Variants in PDIA5 observed in about 807,000 individuals in gnomAD.
PDIA5 encodes protein disulfide isomerase family A member 5, also known as protein disulfide-isomerase A5.
In PDIA5, 58 loss-of-function variants were observed where a neutral mutation model predicts 77.6. That is an observed-to-expected ratio of 0.75 (90% CI 0.61 to 0.93). The LOEUF is 0.93. Ranked by LOEUF, PDIA5 falls within the 40% of genes least tolerant of loss-of-function variation. The pLI, the probability that PDIA5 is intolerant of heterozygous loss-of-function variation, is 0.00. For missense variants in PDIA5, 630 were observed against 647.7 expected (o/e 0.97, Z 0.30); for synonymous variants, 250 against 252.1 (o/e 0.99, Z 0.08).
At chr3:123,114,886 G>A (rs1007203070) in intron 7 of PDIA5, among the ~76,000 whole-genome samples, 14 of 152,310 alleles carry the variant, frequency 9.2e-5, no homozygotes, top group African/African-American at 3.4e-4. Flanking sequence ...GCGTACTGGG[G>A]TGTGTGTGAG....
At chr3:123,137,560 C>G (rs750157054) in intron 11 of PDIA5, among the ~76,000 whole-genome samples, 2 of 152,200 alleles carry the variant, frequency 1.3e-5, no homozygotes, top group Non-Finnish European at 2.9e-5. Context: ...ATCACACTTA[C>G]TATGGATCAG....
intron 8 of PDIA5, among the ~76,000 whole-genome samples, chr3:123,117,834 T>C (rs1003637925): frequency 2.0e-5 from 3 of 152,170 alleles, no homozygotes; most frequent in African/African-American, 7.2e-5. Context: ...GGATATCTGT[T>C]TATCCATTTT....
Position 123,067,484 on chromosome 3 carries a change from T to C in PDIA5, c.42+278T>C, listed in dbSNP as rs1365147829. The C allele has an allele frequency of 5.3e-6, 2 of 374,410 alleles. 1 individual carries two copies. The highest frequency in any genetic ancestry group is 9.5e-6 in the Non-Finnish European group (2 of 211,136). The allele number at this position is 374,410 out of a possible 1,614,324, so 23.2% of individuals were successfully genotyped here. A position where few individuals can be genotyped will look rare whatever the true frequency, so the allele number is the denominator to read the frequency against. On this transcript the variant is annotated intron_variant, in intron 1 of 16. Coordinates refer to ENST00000316218, the MANE Select transcript of PDIA5 (RefSeq NM_006810.4). Reference sequence around the variant, plus strand: ...GGTGCTTACGCCACGGCCACAACTTTGCGGGGATGCAGGTCGGGGCACAGC... The same window carrying C: ...GGTGCTTACGCCACGGCCACAACTTCGCGGGGATGCAGGTCGGGGCACAGC...
chr3:123,144,514 C>T (rs1469925008), intron 11 of PDIA5: 1 of 152,236 alleles, frequency 6.6e-6, no homozygotes, highest in Non-Finnish European at 1.5e-5. Flanking sequence ...GTCATTTACA[C>T]AAAGTGCTTA....
intron 14 of PDIA5, among the ~76,000 whole-genome samples, chr3:123,153,703 C>T (rs1935961509): frequency 6.6e-6 from 1 of 152,224 alleles, no homozygotes; most frequent in Non-Finnish European, 1.5e-5. Flanking sequence ...GCTGGCCACT[C>T]TGCCAGCCAG....
intron 11 of PDIA5, among the ~76,000 whole-genome samples, chr3:123,134,136 A>G (rs1222930047): frequency 2.0e-5 from 3 of 151,608 alleles, no homozygotes; most frequent in Admixed American, 1.3e-4. Context: ...TGATCCTCCC[A>G]CCTCAGCCTC....
At chr3:123,092,209 C>A in intron 2 of PDIA5, 146 bp from the exon 3 acceptor site, 1 of 648,320 alleles carries the variant, frequency 1.5e-6, no homozygotes, top group Non-Finnish European at 2.7e-6. Flanking sequence ...CTGTTGAATG[C>A]AGGGATGGGT....
intron 7 of PDIA5, among the ~76,000 whole-genome samples, chr3:123,112,725 T>C (rs1934895420): frequency 6.6e-6 from 1 of 151,886 alleles, no homozygotes; most frequent in Non-Finnish European, 1.5e-5. Context: ...GCCTGGCTAA[T>C]TTTTGTATAT....
intron 5 of PDIA5, among the ~76,000 whole-genome samples, chr3:123,106,512 G>A (rs570444813): frequency 6.6e-6 from 1 of 152,300 alleles, no homozygotes; most frequent in Admixed American, 6.5e-5. Flanking sequence ...TGAGCAAGGT[G>A]TCTTGTGATT....
chr3:123,121,393 T>C (rs1274956546), intron 8 of PDIA5, among the ~76,000 whole-genome samples: 1 of 152,170 alleles, frequency 6.6e-6, no homozygotes, highest in African/African-American at 2.4e-5. Flanking sequence ...TGTGTTCTTA[T>C]CTTCTCCACA....
intron 8 of PDIA5, among the ~76,000 whole-genome samples, chr3:123,121,291 G>A (rs1330035206): frequency 6.6e-6 from 1 of 152,188 alleles, no homozygotes; most frequent in Non-Finnish European, 1.5e-5. Flanking sequence ...CTGCCGTGAT[G>A]GTTCCTGGCA....
At chr3:123,074,925 C>T (rs1933813181) in intron 1 of PDIA5, among the ~76,000 whole-genome samples, 1 of 152,088 alleles carries the variant, frequency 6.6e-6, no homozygotes, top group African/African-American at 2.4e-5. Context: ...TATAAGAAAC[C>T]ACCTAAGGAC....
rs1463343777 is a variant in PDIA5, at chr3:123,150,373, C to T, written c.1273+9C>T. 2.5e-6 allele frequency: 4 copies of T among 1,611,886 alleles called. No homozygotes were observed. Among genetic ancestry groups the T allele is most frequent in the Non-Finnish European group, 3.4e-6 (4 of 1,178,936 alleles). On this transcript the variant is annotated intron_variant, in intron 14 of 16. Coordinates refer to ENST00000316218, the MANE Select transcript of PDIA5 (RefSeq NM_006810.4). ...CATGTTCTACGCCCCTTGTAAGTAGCTTGGGTGCTCACTGAGTGGCACAGT... is the reference window on the plus strand; with the variant it reads ...CATGTTCTACGCCCCTTGTAAGTAGTTTGGGTGCTCACTGAGTGGCACAGT...
intron 1 of PDIA5, among the ~76,000 whole-genome samples, chr3:123,068,615 C>T (rs1933643222): frequency 6.6e-6 from 1 of 152,204 alleles, no homozygotes; most frequent in Non-Finnish European, 1.5e-5. Context: ...CTGCTTTCCT[C>T]CCTTTCCCCT....
intron 8 of PDIA5, among the ~76,000 whole-genome samples, chr3:123,116,904 G>A (rs1445975958): frequency 6.6e-6 from 1 of 151,668 alleles, no homozygotes; most frequent in African/African-American, 2.4e-5. Flanking sequence ...TGTGTCCTAG[G>A]GATGCCCACC....
intron 10 of PDIA5, among the ~76,000 whole-genome samples, chr3:123,125,286 A>G (rs1935217058): frequency 6.6e-6 from 1 of 152,242 alleles, no homozygotes; most frequent in Non-Finnish European, 1.5e-5. Context: ...TTTGTGGCTG[A>G]CATTGTTCTA....
intron 11 of PDIA5, among the ~76,000 whole-genome samples, chr3:123,132,105 G>A (rs61608510): frequency 0.017 from 2,584 of 152,220 alleles, 73 homozygotes; most frequent in African/African-American, 0.057. Context: ...TTTACCCAGC[G>A]TGCCACAAAG....
At chr3:123,095,170 T>G (rs1320221381) in intron 3 of PDIA5, among the ~76,000 whole-genome samples, 1 of 152,212 alleles carries the variant, frequency 6.6e-6, no homozygotes, top group Non-Finnish European at 1.5e-5. Context: ...GACAGCGATA[T>G]GCGTTCTGCC....
In PDIA5 at chr3:123,117,374, T is replaced by TTATATATATATATATATATATATATA. The variant is rs370968904; in HGVS notation, c.609+1101_609+1102insATATATATATATATATATATATATAT. Among the ~76,000 whole-genome samples the TTATATATATATATATATATATATATA allele has an allele frequency of 6.0e-3, 476 of 79,664 alleles. 19 individuals carry two copies. The highest frequency in any genetic ancestry group is 0.013 in the African/African-American group (264 of 20,688). The allele number at this position is 79,664 out of a possible 152,430, so 52.3% of individuals were successfully genotyped here. A position where few individuals can be genotyped will look rare whatever the true frequency, so the allele number is the denominator to read the frequency against. On this transcript the variant is annotated intron_variant, in intron 8 of 16. Transcript: ENST00000316218. Reference sequence around the variant, plus strand: ...CTTTCTACTTTCTGTTTCTATGATTTTATATATATATATATATATATATAT... The same window carrying TTATATATATATATATATATATATATA: ...CTTTCTACTTTCTGTTTCTATGATTTTATATATATATATATATATATATATATATATATATATATATATATATATAT...
Sources: gnomAD v4.1 joint callset for allele counts (sites outside exome capture counted in the v4.1 genomes callset) on GRCh38, gnomAD v4.1.1 for gene constraint, MANE v1.5 for transcripts, NCBI Gene and HGNC (gene_info 2026-07-23, HGNC 2026-07-21) for gene names.